Variants in AGBL1 observed in about 807,000 individuals in gnomAD.
AGBL1 encodes AGBL carboxypeptidase 1.
AGBL1 carries 130 observed loss-of-function variants against 118.9 expected under a neutral mutation model. The observed-to-expected ratio is 1.09, with a 90% CI of 0.95 to 1.26. The LOEUF (loss-of-function observed/expected upper bound fraction) is 1.26. Ranked by LOEUF, AGBL1 falls within the 50% of genes most tolerant of loss-of-function variation. The pLI, the probability that AGBL1 is intolerant of heterozygous loss-of-function variation, is 0.00. For synonymous variants in AGBL1, 555 were observed against 478.9 expected, an observed-to-expected ratio of 1.16 and a Z score of -2.08; for missense variants, 1,584 against 1,298.1, an observed-to-expected ratio of 1.22 and a Z score of -3.38.
intron 22 of AGBL1, among the ~76,000 whole-genome samples, chr15:86,737,341 T>A (rs2077616941): frequency 6.6e-6 from 1 of 152,194 alleles, no homozygotes; most frequent in African/African-American, 2.4e-5. Flanking sequence ...AAGGTGATAT[T>A]CCTTGTTCAA....
chr15:86,724,948 G>A (rs979110066), intron 22 of AGBL1, among the ~76,000 whole-genome samples: 1 of 152,152 alleles, frequency 6.6e-6, no homozygotes, highest in African/African-American at 2.4e-5. Context: ...GCAGAACCAT[G>A]AGCCAATTAA....
intron 6 of AGBL1, among the ~76,000 whole-genome samples, chr15:86,233,773 A>C (rs2078494041): frequency 6.6e-6 from 1 of 152,208 alleles, no homozygotes; most frequent in Non-Finnish European, 1.5e-5. Flanking sequence ...CTCCAGCCCT[A>C]GTCAAGTAAA....
At chr15:86,671,513 A>G (rs2085746141) in intron 21 of AGBL1, among the ~76,000 whole-genome samples, 1 of 152,290 alleles carries the variant, frequency 6.6e-6, no homozygotes, top group South Asian at 2.1e-4. Flanking sequence ...CTTTTAAACA[A>G]ATCCGGAGCC....
intron 21 of AGBL1, among the ~76,000 whole-genome samples, chr15:86,632,335 T>C (rs1201262001): frequency 6.7e-6 from 1 of 149,758 alleles, no homozygotes; most frequent in Admixed American, 6.6e-5. Context: ...TCCAGCACTG[T>C]GGGAGACTGA....
intron 17 of AGBL1, among the ~76,000 whole-genome samples, chr15:86,386,829 A>G (rs1023449707): frequency 2.0e-5 from 3 of 152,078 alleles, no homozygotes; most frequent in Non-Finnish European, 2.9e-5. Flanking sequence ...CTCTTTCACC[A>G]CAGTCCCTAT....
chr15:86,929,143 T>G (rs866024209), intron 23 of AGBL1, among the ~76,000 whole-genome samples: 13 of 152,226 alleles, frequency 8.5e-5, no homozygotes, highest in Non-Finnish European at 1.5e-4. Context: ...TTCATTTACA[T>G]TCTTTCCTAT....
intron 23 of AGBL1, among the ~76,000 whole-genome samples, chr15:86,940,519 C>A (rs1333719557): frequency 6.6e-6 from 1 of 152,098 alleles, no homozygotes; most frequent in Non-Finnish European, 1.5e-5. Flanking sequence ...ATGGTCCCTA[C>A]CTTCAGGGAA....
At chr15:86,406,884 T>C (rs1488224956) in intron 18 of AGBL1, among the ~76,000 whole-genome samples, 1 of 152,244 alleles carries the variant, frequency 6.6e-6, no homozygotes, top group Non-Finnish European at 1.5e-5. Flanking sequence ...TTCTTCATTA[T>C]AAACTGTAGA....
At chr15:86,741,019 T>C (rs1031726952) in intron 22 of AGBL1, among the ~76,000 whole-genome samples, 1 of 152,022 alleles carries the variant, frequency 6.6e-6, no homozygotes, top group Non-Finnish European at 1.5e-5. Flanking sequence ...TTACTCTTTA[T>C]TTTGCCTGGG....
downstream of AGBL1, among the ~76,000 whole-genome samples, chr15:86,919,720 G>T (rs1000389402): frequency 7.3e-5 from 11 of 151,284 alleles, no homozygotes; most frequent in Admixed American, 6.6e-4. Context: ...GTAAGAGGAA[G>T]ATTATAAATA....
intron 22 of AGBL1, among the ~76,000 whole-genome samples, chr15:86,731,229 C>G (rs1490736273): frequency 6.6e-6 from 1 of 152,108 alleles, no homozygotes. Flanking sequence ...ATAGTAGGTT[C>G]AGTTGATTTT....
At chr15:86,197,554 G>A (rs981777659) in intron 5 of AGBL1, among the ~76,000 whole-genome samples, 2 of 152,216 alleles carry the variant, frequency 1.3e-5, no homozygotes, top group South Asian at 2.1e-4. Flanking sequence ...TAAGCAAAAT[G>A]TTGAAGATGT....
At chr15:86,463,872 G>A (rs150190083) in intron 18 of AGBL1, among the ~76,000 whole-genome samples, 15 of 152,208 alleles carry the variant, frequency 9.9e-5, no homozygotes, top group South Asian at 4.1e-4. Context: ...GTCAGGTAGC[G>A]TGATGCCTCC....
chr15:86,361,702 T>C (rs2080808049), intron 17 of AGBL1, among the ~76,000 whole-genome samples: 5 of 152,150 alleles, frequency 3.3e-5, no homozygotes, highest in Admixed American at 3.3e-4. Flanking sequence ...AATAACTTTA[T>C]TTGTGTTTTT....
chr15:86,828,176 C>T (rs2079058160), intron 22 of AGBL1, among the ~76,000 whole-genome samples: 1 of 151,494 alleles, frequency 6.6e-6, no homozygotes, highest in African/African-American at 2.4e-5. Flanking sequence ...ATCCTGGGCT[C>T]AAGAGATCCT....
chr15:86,686,747 T>A (rs950623463), intron 22 of AGBL1, among the ~76,000 whole-genome samples: 3 of 152,156 alleles, frequency 2.0e-5, no homozygotes, highest in African/African-American at 7.2e-5. Flanking sequence ...TCTAAGTTTT[T>A]ATTCATATGA....
rs374006485 is a variant in AGBL1, at chr15:86,241,323, C to A, written c.527-6348C>A. Among the ~76,000 whole-genome samples the A allele has an allele frequency of 3.3e-5, 5 of 152,192 alleles. No individual in the cohort carries two copies. In the East Asian group the frequency reaches 7.7e-4, roughly 24 times the overall value. Reference sequence around the variant, plus strand: ...GGAATGATCATTTATTGAGCACATACTTTATGTCAGGTGCTGAGTTATGTT... The same window carrying A: ...GGAATGATCATTTATTGAGCACATAATTTATGTCAGGTGCTGAGTTATGTT... On this transcript the variant is annotated intron_variant, in intron 6 of 22. Coordinates refer to ENST00000614907, the MANE Select transcript of AGBL1 (RefSeq NM_001386094.1).
At chr15:86,133,353 T>C (rs968838641) in intron 1 of AGBL1, among the ~76,000 whole-genome samples, 1 of 152,218 alleles carries the variant, frequency 6.6e-6, no homozygotes, top group African/African-American at 2.4e-5. Flanking sequence ...AGCTCTCAGC[T>C]TAAGTGTTAC....
chr15:87,011,678 G>A (rs891470422), intron 24 of AGBL1, among the ~76,000 whole-genome samples: 11 of 152,184 alleles, frequency 7.2e-5, no homozygotes, highest in African/African-American at 2.7e-4. Context: ...CAAAGGAGGT[G>A]AGATAGCTCT....
Sources: gnomAD v4.1 joint callset for allele counts (sites outside exome capture counted in the v4.1 genomes callset) on GRCh38, gnomAD v4.1.1 for gene constraint, MANE v1.5 for transcripts, NCBI Gene and HGNC (gene_info 2026-07-23, HGNC 2026-07-21) for gene names.